The following CHSY3 variants were observed in gnomAD, a reference collection of about 807,000 sequenced individuals.
CHSY3 encodes N-acetylgalactosaminyl-proteoglycan 3-beta-glucuronosyltransferase 3.
A neutral mutation model predicts 67.2 loss-of-function variants in CHSY3; 35 were observed. The ratio of observed to expected loss-of-function variants is 0.52; its 90% CI spans 0.40 to 0.69. The LOEUF (loss-of-function observed/expected upper bound fraction) is 0.69. Ranked by LOEUF, CHSY3 falls within the 30% of genes least tolerant of loss-of-function variation. CHSY3 has a pLI of 0.00. For synonymous variants in CHSY3, 474 were observed against 434.7 expected, an observed-to-expected ratio of 1.09 and a Z score of -1.12; for missense variants, 1,069 against 1,138.5, an observed-to-expected ratio of 0.94 and a Z score of 0.88.
At chr5:129,918,587 C>T (rs1176282943) in intron 2 of CHSY3, among the ~76,000 whole-genome samples, 3 of 152,058 alleles carry the variant, frequency 2.0e-5, no homozygotes, top group Non-Finnish European at 4.4e-5. Flanking sequence ...AAAATGCCTC[C>T]TCCAAACTGG....
At chr5:130,041,031 A>C (rs907057794) in intron 2 of CHSY3, among the ~76,000 whole-genome samples, 1 of 152,112 alleles carries the variant, frequency 6.6e-6, no homozygotes, top group African/African-American at 2.4e-5. Context: ...GTTGGAGTGC[A>C]GCTCAGATCT....
At position 129,905,191 on chromosome 5, in the gene CHSY3, C is replaced by A; in HGVS notation, c.362C>A (p.Ala121Glu). 1 of 1,519,226 alleles carries A rather than the reference C, an allele frequency of 6.6e-7. No individual in the cohort carries two copies. The allele number at this position is 1,519,226 out of a possible 1,614,324, so 94.1% of individuals were successfully genotyped here. ...CGGCGAGGACGCGAGCCTGAGGGCG[C>A]GACGGGGCTTCCCGGTGCTCCAGCG... The part of the protein sequence containing the change: ...QRRRGREPEG[A>E]TGLPGAPAAE... Residue 121 changes from alanine (A) to glutamate (E), a missense_variant, in exon 1 of 3, where the codon GCG (alanine) becomes GAG (glutamate). Around this residue, in one of 5 missense-constraint regions of CHSY3, gnomAD observed 309 missense variants for 262.5 expected, o/e 1.18. Coordinates refer to ENST00000305031, the MANE Select transcript of CHSY3 (RefSeq NM_175856.5).
intron 2 of CHSY3, among the ~76,000 whole-genome samples, chr5:130,161,778 C>T (rs1194884102): frequency 1.3e-5 from 2 of 152,044 alleles, no homozygotes; most frequent in Non-Finnish European, 2.9e-5. Context: ...GTGGGTCACA[C>T]CTGTAATCCT....
At chr5:129,924,402 CT>C (rs1288107504) in intron 2 of CHSY3, among the ~76,000 whole-genome samples, 1 of 152,000 alleles carries the variant, frequency 6.6e-6, no homozygotes, top group Non-Finnish European at 1.5e-5. Context: ...AATCCCAGCA[CT>C]TTGGGAGGCC....
intron 2 of CHSY3, among the ~76,000 whole-genome samples, chr5:130,018,899 G>T (rs907169308): frequency 6.6e-6 from 1 of 152,006 alleles, no homozygotes; most frequent in Non-Finnish European, 1.5e-5. Flanking sequence ...TTGAGAGGGG[G>T]TTGCTATAAA....
chr5:130,126,854 T>G (rs1490578345), intron 2 of CHSY3, among the ~76,000 whole-genome samples: 1 of 152,178 alleles, frequency 6.6e-6, no homozygotes, highest in Non-Finnish European at 1.5e-5. Flanking sequence ...ACATTGTCAT[T>G]GTTTTTCTTT....
intron 2 of CHSY3, among the ~76,000 whole-genome samples, chr5:130,098,896 G>A (rs575998980): frequency 2.1e-4 from 32 of 152,262 alleles, no homozygotes; most frequent in African/African-American, 6.5e-4. Context: ...TTAATTATTA[G>A]TGTTTTCTAA....
intron 2 of CHSY3, among the ~76,000 whole-genome samples, chr5:129,947,864 G>C (rs1226323608): frequency 1.3e-5 from 2 of 152,108 alleles, no homozygotes; most frequent in Non-Finnish European, 2.9e-5. Context: ...GAGGATTAGT[G>C]ATGTTGAACA....
chr5:130,135,495 T>G (rs1223319557), intron 2 of CHSY3, among the ~76,000 whole-genome samples: 2 of 152,174 alleles, frequency 1.3e-5, no homozygotes, highest in East Asian at 3.8e-4. Flanking sequence ...TTTTAATTCC[T>G]TTCTCTTATA....
At chr5:129,905,896 TGTCC>T in intron 1 of CHSY3, 1 of 712,990 alleles carries the variant, frequency 1.4e-6, no homozygotes. Flanking sequence ...GCCTCGCGCT[TGTCC>T]CTTAGTCTTT....
intron 2 of CHSY3, among the ~76,000 whole-genome samples, chr5:130,100,255 C>T (rs1252217249): frequency 6.6e-6 from 1 of 152,088 alleles, no homozygotes; most frequent in African/African-American, 2.4e-5. Flanking sequence ...GATCTCCGCT[C>T]ACTGCAAGCT....
In CHSY3 at chr5:130,143,734, G is replaced by GTGTATATATATATATATA. The variant is rs1223966105; in HGVS notation, c.1087-40494_1087-40493insGTATATATATATATATAT. Among the ~76,000 whole-genome samples, 320 of 94,640 alleles carry GTGTATATATATATATATA rather than the reference G, an allele frequency of 3.4e-3. 7 individuals carry two copies. The highest frequency in any genetic ancestry group is 6.9e-3 in the Middle Eastern group (1 of 144). 62.1% of individuals were successfully genotyped at this position (94,640 alleles called of 152,430 possible). A position where few individuals can be genotyped will look rare whatever the true frequency, so the allele number is the denominator to read the frequency against. ...TATATATATATATGTGTGTGTGTGT[G>GTGTATATATATATATATA]TATATATATATATATATATATATGT... On this transcript the variant is annotated intron_variant, in intron 2 of 2. Coordinates refer to ENST00000305031, the MANE Select transcript of CHSY3 (RefSeq NM_175856.5).
intron 2 of CHSY3, among the ~76,000 whole-genome samples, chr5:129,925,250 G>C (rs1024762572): frequency 1.3e-5 from 2 of 152,146 alleles, no homozygotes; most frequent in Non-Finnish European, 2.9e-5. Flanking sequence ...GATGTGTGTA[G>C]AATTGGTTAT....
intron 2 of CHSY3, among the ~76,000 whole-genome samples, chr5:130,085,117 C>T (rs752177855): frequency 6.6e-6 from 1 of 151,912 alleles, no homozygotes; most frequent in Non-Finnish European, 1.5e-5. Context: ...ATTGGAATGC[C>T]CCTGGCCAAG....
At chr5:130,071,140 C>A (rs977567399) in intron 2 of CHSY3, among the ~76,000 whole-genome samples, 1 of 151,654 alleles carries the variant, frequency 6.6e-6, no homozygotes, top group African/African-American at 2.4e-5. Context: ...TAAAGGAACC[C>A]AACACTCTCT....
chr5:130,013,697 T>C (rs1487270509), intron 2 of CHSY3, among the ~76,000 whole-genome samples: 1 of 152,172 alleles, frequency 6.6e-6, no homozygotes, highest in Non-Finnish European at 1.5e-5. Context: ...GCCCTTGACC[T>C]AGCCCATGAA....
At chr5:130,007,922 G>A (rs1010346685) in intron 2 of CHSY3, among the ~76,000 whole-genome samples, 6 of 152,240 alleles carry the variant, frequency 3.9e-5, no homozygotes, top group African/African-American at 1.2e-4. Context: ...TTCATATGGG[G>A]CACATCTTAA....
chr5:130,078,929 A>C (rs968456582), intron 2 of CHSY3, among the ~76,000 whole-genome samples: 1 of 152,106 alleles, frequency 6.6e-6, no homozygotes, highest in South Asian at 2.1e-4. Context: ...TTAATCACCC[A>C]TCCCTCTGAG....
chr5:130,120,591 C>G (rs1337252165), intron 2 of CHSY3, among the ~76,000 whole-genome samples: 2 of 152,024 alleles, frequency 1.3e-5, no homozygotes, highest in Admixed American at 6.6e-5. Flanking sequence ...ACTGCATCCC[C>G]CAACTACCAC....
Sources: gnomAD v4.1 joint callset for allele counts (sites outside exome capture counted in the v4.1 genomes callset) on GRCh38, gnomAD v4.1.1 for gene constraint, gnomAD v4.1.1 regional missense constraint, MANE v1.5 for transcripts, NCBI Gene and HGNC (gene_info 2026-07-23, HGNC 2026-07-21) for gene names.